ZNF516: variants seen among roughly 807,000 people sequenced by gnomAD.
ZNF516 encodes zinc finger protein 516.
Under a neutral mutation model 79.7 loss-of-function variants are expected in ZNF516, and 19 were observed. That is an observed-to-expected ratio of 0.24 (90% confidence interval 0.17 to 0.35). ZNF516 has a LOEUF of 0.35. ZNF516 is among the 10% of genes least tolerant of loss of function. ZNF516 has a pLI of 1.00. For missense variants in ZNF516, 1,678 were observed against 1,679.5 expected (o/e 1.00, Z 0.02); for synonymous variants, 877 against 739.5 (o/e 1.19, Z -3.02).
At chr18:76,468,617 G>A (rs191880366) in intron 1 of ZNF516, among the ~76,000 whole-genome samples, 94 of 151,742 alleles carry the variant, frequency 6.2e-4, no homozygotes, top group Non-Finnish European at 6.6e-4. Context: ...ACGAGGTTTC[G>A]CCATGTCAGC....
At chr18:76,441,032 G>T (rs961926581) in intron 3 of ZNF516, among the ~76,000 whole-genome samples, 2 of 152,168 alleles carry the variant, frequency 1.3e-5, no homozygotes, top group Admixed American at 1.3e-4. Flanking sequence ...GGGTGTGGGG[G>T]ACCCTGGGCA....
At chr18:76,446,611 C>T (rs1356297948) in intron 2 of ZNF516, among the ~76,000 whole-genome samples, 7 of 152,212 alleles carry the variant, frequency 4.6e-5, no homozygotes, top group African/African-American at 1.7e-4. Flanking sequence ...CTCAGGCACC[C>T]GGTGACTAGA....
At chr18:76,418,940 C>G (rs660342) in intron 3 of ZNF516, among the ~76,000 whole-genome samples, 85,460 of 152,146 alleles carry the variant, frequency 0.56, 24,221 homozygotes, top group South Asian at 0.68. Context: ...TCCTCCAGCC[C>G]AAACACCTCA....
intron 1 of ZNF516, among the ~76,000 whole-genome samples, chr18:76,473,898 T>G (rs987625109): frequency 0.011 from 295 of 27,900 alleles, 4 homozygotes; most frequent in Non-Finnish European, 0.019. Flanking sequence ...TTGGTTGTTT[T>G]TGTGTGGGGG....
At chr18:76,410,558 C>G (rs2075362590) in intron 3 of ZNF516, among the ~76,000 whole-genome samples, 1 of 152,206 alleles carries the variant, frequency 6.6e-6, no homozygotes, top group Admixed American at 6.5e-5. Context: ...AGACGCTTTT[C>G]TAACTACACT....
chr18:76,386,626 C>T (rs2074996731), intron 3 of ZNF516: 1 of 152,162 alleles, frequency 6.6e-6, no homozygotes, highest in Non-Finnish European at 1.5e-5. Flanking sequence ...CACCTCCCAA[C>T]CTACAAACGG....
chr18:76,458,525 T>C (rs1274331375), intron 2 of ZNF516, among the ~76,000 whole-genome samples: 1 of 152,194 alleles, frequency 6.6e-6, no homozygotes, highest in Non-Finnish European at 1.5e-5. Flanking sequence ...TCTAGACAGG[T>C]ACGAAGGGAA....
chr18:76,461,114 G>A (rs769944465), intron 2 of ZNF516, among the ~76,000 whole-genome samples: 8 of 152,316 alleles, frequency 5.3e-5, no homozygotes, highest in South Asian at 2.1e-4. Flanking sequence ...CCCGGGAGCC[G>A]GAGGTTGCAG....
chr18:76,366,291 T>C (rs1260478870), intron 6 of ZNF516, among the ~76,000 whole-genome samples: 1 of 152,200 alleles, frequency 6.6e-6, no homozygotes, highest in African/African-American at 2.4e-5. Context: ...AATTTTCCAG[T>C]ATAGAATATT....
At chr18:76,415,382 G>A (rs987796384) in intron 3 of ZNF516, among the ~76,000 whole-genome samples, 3 of 152,144 alleles carry the variant, frequency 2.0e-5, no homozygotes, top group Non-Finnish European at 2.9e-5. Flanking sequence ...CGGCAAGCCC[G>A]GCTGTGGCTT....
At chr18:76,420,525 C>A (rs2075493021) in intron 3 of ZNF516, among the ~76,000 whole-genome samples, 1 of 152,072 alleles carries the variant, frequency 6.6e-6, no homozygotes, top group Non-Finnish European at 1.5e-5. Flanking sequence ...ATTCTCAGGA[C>A]TATTTGTATG....
intron 1 of ZNF516, chr18:76,492,564 C>A (rs1599176341): frequency 2.7e-6 from 1 of 365,702 alleles, no homozygotes; most frequent in Non-Finnish European, 3.8e-6. Context: ...CACTTTTCTA[C>A]GGAGTTCACA....
rs1019921921 is a variant in ZNF516 at position 76,365,717 on chromosome 18, C to G, written c.3433-3160G>C. Among the ~76,000 whole-genome samples, 25 of 152,196 alleles carry G rather than the reference C, an allele frequency of 1.6e-4. 1 individual carries two copies. The highest frequency in any genetic ancestry group is 3.2e-4 in the Non-Finnish European group (22 of 68,038). ...ACACAGTAAAAGCACCAAGGACAAG[C>G]ACCGGTGCCACCGCCGGGCTGGAAG... On this transcript the variant is annotated intron_variant, in intron 6 of 6. Transcript: ENST00000443185.
chr18:76,425,875 A>T (rs2075587048), intron 3 of ZNF516, among the ~76,000 whole-genome samples: 1 of 152,230 alleles, frequency 6.6e-6, no homozygotes, highest in South Asian at 2.1e-4. Context: ...AAAAATACCC[A>T]GGCCCAACCA....
In ZNF516 at chr18:76,446,514, C is replaced by A. The variant is rs560979447; in HGVS notation, c.-157-3303G>T. On this transcript the variant is annotated intron_variant, in intron 2 of 6. Coordinates refer to ENST00000443185, the MANE Select transcript of ZNF516 (RefSeq NM_014643.4). ...GCATGGCCCTTGTACATCTGAAAGGCCTTTGTGCCAGCATCGGACCCATCC... is the reference window on the plus strand; with the variant it reads ...GCATGGCCCTTGTACATCTGAAAGGACTTTGTGCCAGCATCGGACCCATCC... Among the ~76,000 whole-genome samples the A allele has an allele frequency of 1.7e-4, 26 of 152,330 alleles. No homozygotes were observed. In the East Asian group the frequency reaches 2.3e-3, roughly 14 times the overall value.
At chr18:76,421,688 CTCA>C (rs1018729153) in intron 3 of ZNF516, among the ~76,000 whole-genome samples, 2 of 152,200 alleles carry the variant, frequency 1.3e-5, no homozygotes, top group African/African-American at 4.8e-5. Context: ...CAAAATAAAC[CTCA>C]TGTTTCACTA....
In ZNF516 at chr18:76,379,354, C is replaced by G. The variant is rs371471184; in HGVS notation, c.2760G>C (p.Pro920=). Residue 920 remains proline, a synonymous_variant, in exon 4 of 7, where the codon CCG becomes CCC. Transcript: ENST00000443185. ...QEASSKPVPA[P]GGGGFSRSAT... is the part of the protein sequence containing the mutation. The stretch of plus-strand genomic sequence containing the variant: ...CGCTCCTGCTGAAGCCCCCGCCACC[C>G]GGGGCAGGCACCGGTTTGGAGCTAG... 1 of 1,593,576 alleles carries G rather than the reference C, an allele frequency of 6.3e-7. No individual in the cohort carries two copies. Among genetic ancestry groups the G allele is most frequent in the South Asian group, 1.1e-5 (1 of 88,630 alleles).
chr18:76,491,670 C>A, intron 1 of ZNF516: 2 of 605,250 alleles, frequency 3.3e-6, no homozygotes, highest in Non-Finnish European at 4.1e-6. Context: ...CGGCCACCGC[C>A]CCCACCCCGG....
chr18:76,480,886 G>A (rs1011339518), intron 1 of ZNF516, among the ~76,000 whole-genome samples: 3 of 152,192 alleles, frequency 2.0e-5, no homozygotes, highest in African/African-American at 7.2e-5. Context: ...TTTGTGACAT[G>A]TGAATGGCAT....
Sources: allele counts gnomAD v4.1 joint callset (sites outside exome capture counted in the v4.1 genomes callset), GRCh38; gene constraint gnomAD v4.1.1; transcripts MANE v1.5; gene names NCBI Gene and HGNC (gene_info 2026-07-23, HGNC 2026-07-21).